PIK3R2: variants seen among roughly 807,000 people sequenced by gnomAD.
The protein encoded by PIK3R2 is phosphatidylinositol 3-kinase regulatory subunit beta.
A neutral mutation model predicts 78.5 loss-of-function variants in PIK3R2; 40 were observed. The ratio of observed to expected loss-of-function variants is 0.51; its 90% CI spans 0.40 to 0.66. The LOEUF (loss-of-function observed/expected upper bound fraction) is 0.66. Among genes scored for constraint, PIK3R2 ranks in the 30% least tolerant of loss-of-function variants. PIK3R2 has a pLI of 0.00. For synonymous variants in PIK3R2, 473 were observed against 457.7 expected (o/e 1.03, Z -0.43); for missense variants, 880 against 1,026.6 (o/e 0.86, Z 1.95).
At chr19:18,159,393 G>T (rs2043717323) in intron 2 of PIK3R2, among the ~76,000 whole-genome samples, 2 of 151,768 alleles carry the variant, frequency 1.3e-5, no homozygotes, top group Non-Finnish European at 2.9e-5. Context: ...GTGCCTCCAG[G>T]CATTCATTCC....
intron 9 of PIK3R2, 122 bp downstream of exon 9, chr19:18,162,628 A>T: frequency 1.2e-6 from 1 of 808,664 alleles, no homozygotes; most frequent in East Asian, 2.7e-5. Flanking sequence ...TTACACCTGT[A>T]ATCCCAGCAC....
In PIK3R2 at chr19:18,156,346, C is replaced by T. The variant is rs1026389584; in HGVS notation, c.322+145C>T. 2.5e-5 allele frequency: 16 copies of T among 632,010 alleles called. No homozygotes were observed. The highest frequency in any genetic ancestry group is 3.0e-5 in the Non-Finnish European group (12 of 400,614). 39.2% of individuals were successfully genotyped at this position (632,010 alleles called of 1,614,324 possible). Reference sequence around the variant, plus strand: ...TGACAAGTGTCTTCAGTGCTAGGCTCAGCAGTGGACACAAGGCCTGTTCCT... The same window carrying T: ...TGACAAGTGTCTTCAGTGCTAGGCTTAGCAGTGGACACAAGGCCTGTTCCT... On this transcript the variant is annotated intron_variant, in intron 2 of 15. Coordinates refer to ENST00000222254, the MANE Select transcript of PIK3R2 (RefSeq NM_005027.4). This position sits in a 1 kb window ranked among gnomAD's most constrained non-coding sequence, Gnocchi z 4.2.
rs772272053 is a variant in PIK3R2, at chr19:18,161,337, G to A, written c.657G>A (p.Ala219=). ...CACCGACGCTGCCGCTGCACCGCGCGCTCACGCTGCGCTTCCTGCTCCAGC... is the reference window on the plus strand; with the variant it reads ...CACCGACGCTGCCGCTGCACCGCGCACTCACGCTGCGCTTCCTGCTCCAGC... The part of the protein sequence containing the change: ...LEPPTLPLHR[A]LTLRFLLQHL... The change falls in exon 6 of 16, where the codon GCG becomes GCA. Residue 219 remains alanine, a synonymous_variant. Coordinates refer to ENST00000222254, the MANE Select transcript of PIK3R2 (RefSeq NM_005027.4). This position sits in a 1 kb window ranked among gnomAD's most constrained non-coding sequence, Gnocchi z 5.3. 348 of 1,325,932 alleles carry A rather than the reference G, an allele frequency of 2.6e-4. 1 individual carries two copies. The highest frequency in any genetic ancestry group is 2.7e-4 in the Admixed American group (7 of 25,520). 82.1% of individuals were successfully genotyped at this position (1,325,932 alleles called of 1,614,324 possible).
At chr19:18,163,518 C>A in intron 11 of PIK3R2, 130 bp downstream of exon 11, 2 of 921,698 alleles carry the variant, frequency 2.2e-6, no homozygotes, top group Admixed American at 2.3e-5. Context: ...AGGCACTTAG[C>A]ACCAAGGGCT....
Position 18,169,186 on chromosome 19 carries a change from G to T in PIK3R2, c.2079G>T (p.Val693=). The change falls in exon 16 of 16, where the codon GTG becomes GTT. Residue 693 remains valine (V), a synonymous_variant. Coordinates refer to ENST00000222254, the MANE Select transcript of PIK3R2 (RefSeq NM_005027.4). The stretch of plus-strand genomic sequence containing the variant: ...TGTACGGGTCGCTGAAGGAGCTGGT[G>T]CTGCACTACCAGCACGCCTCGCTGG... ...YNLYGSLKEL[V]LHYQHASLVQ... is the part of the protein sequence containing the mutation. 1 of 1,609,356 alleles carries T rather than the reference G, an allele frequency of 6.2e-7. No homozygotes were observed. The highest frequency in any genetic ancestry group is 8.5e-7 in the Non-Finnish European group (1 of 1,179,546).
rs1236300479 is a variant in PIK3R2, at chr19:18,156,714, A to C, written c.322+513A>C. Among the ~76,000 whole-genome samples, 3 of 152,336 alleles carry C rather than the reference A, an allele frequency of 2.0e-5. No homozygotes were observed. The East Asian group carries it at 5.8e-4, about 29-fold the overall frequency. On this transcript the variant is annotated intron_variant, in intron 2 of 15. Coordinates refer to ENST00000222254, the MANE Select transcript of PIK3R2 (RefSeq NM_005027.4). The surrounding 1 kb of genome is among the most constrained non-coding windows in gnomAD (Gnocchi z 4.2). ...AACCCCTTTGGAGACCCTGATTTCCAAAATGAAGCCACAAGGAGGGTAGGA... is the reference window on the plus strand; with the variant it reads ...AACCCCTTTGGAGACCCTGATTTCCCAAATGAAGCCACAAGGAGGGTAGGA...
In PIK3R2 at chr19:18,156,282, G is replaced by T; in HGVS notation, c.322+81G>T. 9.1e-7 allele frequency: 1 copy of T among 1,094,082 alleles called. No homozygotes were observed. The allele number at this position is 1,094,082 out of a possible 1,614,324, so 67.8% of individuals were successfully genotyped here. The stretch of plus-strand genomic sequence containing the variant: ...TCCTCTTCTGTCCAGTGAGGCAATG[G>T]GATCTCCAAGGAAGGAGGAAAAAGG... On this transcript the variant is annotated intron_variant, in intron 2 of 15. Coordinates refer to ENST00000222254, the MANE Select transcript of PIK3R2 (RefSeq NM_005027.4). The surrounding 1 kb of genome is among the most constrained non-coding windows in gnomAD (Gnocchi z 4.2).
Position 18,161,285 on chromosome 19 carries a change from C to CGGGGCCCGT in PIK3R2, c.612_620dup (p.Val205_Pro207dup). On this transcript the variant is annotated inframe_insertion, in exon 6 of 16. Coordinates refer to ENST00000222254, the MANE Select transcript of PIK3R2 (RefSeq NM_005027.4). The surrounding 1 kb of genome is among the most constrained non-coding windows in gnomAD (Gnocchi z 5.3). The stretch of plus-strand genomic sequence containing the variant: ...CCTGGCCATCTGTCCGCAGAGGCCG[C>CGGGGCCCGT]GGGGCCCGTGGGGCCGGCGCTGGAG... The CGGGGCCCGT allele has an allele frequency of 1.4e-6, 2 of 1,391,904 alleles. No individual in the cohort carries two copies. The highest frequency in any genetic ancestry group is 1.8e-6 in the Non-Finnish European group (2 of 1,081,112). 86.2% of individuals were successfully genotyped at this position (1,391,904 alleles called of 1,614,324 possible).
Position 18,163,339 on chromosome 19 carries a change from A to G in PIK3R2, c.1367A>G (p.Lys456Arg). The change falls in exon 11 of 16, where the codon AAG becomes AGG. Residue 456 changes from lysine (K) to arginine (R), a missense_variant. By Grantham distance (26) the Lys-to-Arg change is conservative. Coordinates refer to ENST00000222254, the MANE Select transcript of PIK3R2 (RefSeq NM_005027.4). ...LKVYHQQYQD[K>R]SREYDQLYEE... is the part of the protein sequence containing the mutation. ...GTCTATCACCAGCAGTACCAGGACA[A>G]GAGCCGCGAGTATGACCAGCTTTAT... 1 of 1,614,114 alleles carries G rather than the reference A, an allele frequency of 6.2e-7. No homozygotes were observed. Among genetic ancestry groups the G allele is most frequent in the Non-Finnish European group, 8.5e-7 (1 of 1,180,010 alleles).
chr19:18,166,626 G>A (rs769593938), intron 12 of PIK3R2, among the ~76,000 whole-genome samples: 6 of 149,362 alleles, frequency 4.0e-5, no homozygotes, highest in Admixed American at 1.3e-4. Context: ...CAGGAGAATC[G>A]CTTGAACCTG....
chr19:18,169,034 A>T, intron 15 of PIK3R2, 53 bp from the exon 16 acceptor site: 1 of 1,583,696 alleles, frequency 6.3e-7, no homozygotes. Context: ...GGAACGGGGA[A>T]AGCTTGGCGG....
Position 18,168,885 on chromosome 19 carries a change from C to T in PIK3R2, c.1968C>T (p.Ala656=), listed in dbSNP as rs756868198. The change falls in exon 15 of 16, where the codon GCC becomes GCT. Residue 656 remains alanine (A), a synonymous_variant. Coordinates refer to ENST00000222254, the MANE Select transcript of PIK3R2 (RefSeq NM_005027.4). The surrounding 1 kb of genome is among the most constrained non-coding windows in gnomAD (Gnocchi z 4.1). ...AGAGCAGCCAGCGGGGCTGCTACGC[C>T]TGCTCCGTGGTGTGAGTGGACCGCA... is the stretch of plus-strand genomic sequence containing the variant. ...IRESSQRGCY[A]CSVVVDGDTK... The T allele has an allele frequency of 3.4e-5, 55 of 1,612,664 alleles. No homozygotes were observed. The highest frequency in any genetic ancestry group is 8.4e-5 in the Admixed American group (5 of 59,840).
intron 3 of PIK3R2, 118 bp from the exon 4 acceptor site, chr19:18,160,801 C>A (rs1007899714): frequency 7.8e-7 from 1 of 1,285,278 alleles, no homozygotes; most frequent in African/African-American, 1.5e-5. Flanking sequence ...CCCACCCCTC[C>A]CATGCCCTTA....
chr19:18,159,291 A>G (rs2043715764), intron 2 of PIK3R2, among the ~76,000 whole-genome samples: 1 of 151,552 alleles, frequency 6.6e-6, no homozygotes, highest in Admixed American at 6.6e-5. Flanking sequence ...GCACCCCACC[A>G]CAACAGAAAC....
Position 18,155,467 on chromosome 19 carries a change from T to C in PIK3R2, c.-413T>C. ...TCCCTGTCTCCCTAGGTCGGCGTCC[T>C]CAGCTGGCCGAGCATGGTGGCAGCC... is the stretch of plus-strand genomic sequence containing the variant. On this transcript the variant is annotated 5_prime_UTR_variant, in exon 2 of 16. Transcript: ENST00000222254. The C allele has an allele frequency of 2.4e-6, 1 of 409,310 alleles. No homozygotes were observed. The highest frequency in any genetic ancestry group is 4.3e-5 in the Admixed American group (1 of 23,222). The allele number at this position is 409,310 out of a possible 1,614,324, so 25.4% of individuals were successfully genotyped here. A position where few individuals can be genotyped will look rare whatever the true frequency, so the allele number is the denominator to read the frequency against.
At position 18,156,296 on chromosome 19, in the gene PIK3R2, G is replaced by C. The variant is rs2043679520; in HGVS notation, c.322+95G>C. On this transcript the variant is annotated intron_variant, in intron 2 of 15. Coordinates refer to ENST00000222254, the MANE Select transcript of PIK3R2 (RefSeq NM_005027.4). The surrounding 1 kb of genome is among the most constrained non-coding windows in gnomAD (Gnocchi z 4.2). ...GTGAGGCAATGGGATCTCCAAGGAA[G>C]GAGGAAAAAGGACATTTGGTCATTT... 16 of 964,914 alleles carry C rather than the reference G, an allele frequency of 1.7e-5. No individual in the cohort carries two copies. Among genetic ancestry groups the C allele is most frequent in the Non-Finnish European group, 2.3e-5 (16 of 687,048 alleles). 59.8% of individuals were successfully genotyped at this position (964,914 alleles called of 1,614,324 possible).
rs552434792 is a variant in PIK3R2, at chr19:18,166,272, G to A, written c.1529G>A (p.Arg510Gln). The change falls in exon 12 of 16, where the codon CGG becomes CAG. Residue 510 changes from arginine (R) to glutamine (Q), a missense_variant. Physicochemically the swap from Arg to Gln is conservative, Grantham distance 43. Coordinates refer to ENST00000222254, the MANE Select transcript of PIK3R2 (RefSeq NM_005027.4). ...KCSKEYLERF[R>Q]REGNEKEMQR... ...AGCAAGGAATACCTGGAGCGCTTCC[G>A]GCGTGAGGGCAACGAGAAAGAGATG... The A allele has an allele frequency of 1.2e-5, 20 of 1,614,026 alleles. No homozygotes were observed. The highest frequency in any genetic ancestry group is 2.2e-5 in the East Asian group (1 of 44,902).
In PIK3R2 at chr19:18,169,669, T is replaced by G; in HGVS notation, c.*375T>G. ...CCCTTCTGGCTGCACCTGCCATGTT[T>G]ACAGAGGGCCCCTGGGCTGCGCGGC... On this transcript the variant is annotated 3_prime_UTR_variant, in exon 16 of 16. Coordinates refer to ENST00000222254, the MANE Select transcript of PIK3R2 (RefSeq NM_005027.4). The G allele has an allele frequency of 4.4e-6, 1 of 229,412 alleles. No homozygotes were observed. The highest frequency in any genetic ancestry group is 8.6e-6 in the Non-Finnish European group (1 of 116,298). 14.2% of individuals were successfully genotyped at this position (229,412 alleles called of 1,614,324 possible). A position where few individuals can be genotyped will look rare whatever the true frequency, so the allele number is the denominator to read the frequency against.
chr19:18,163,843 G>A (rs540142101), intron 11 of PIK3R2, among the ~76,000 whole-genome samples: 4 of 71,514 alleles, frequency 5.6e-5, no homozygotes, highest in Non-Finnish European at 1.3e-4. Flanking sequence ...ATAAGCGTAC[G>A]AGGCTGGGTG....
Sources: gnomAD v4.1 joint callset for allele counts (sites outside exome capture counted in the v4.1 genomes callset) on GRCh38, gnomAD v4.1.1 for gene constraint, Gnocchi (gnomAD v3.1) non-coding constraint, MANE v1.5 for transcripts, NCBI Gene and HGNC (gene_info 2026-07-23, HGNC 2026-07-21) for gene names.